The following MCUB variants were observed in gnomAD, a reference collection of about 807,000 sequenced individuals.
MCUB encodes calcium uniporter regulatory subunit MCUb, mitochondrial.
Under a neutral mutation model 41.4 loss-of-function variants are expected in MCUB, and 46 were observed. The ratio of observed to expected loss-of-function variants is 1.11; its 90% CI spans 0.88 to 1.42. The LOEUF (loss-of-function observed/expected upper bound fraction) is 1.42, where lower values mean the gene tolerates loss of function less well. Ranked by LOEUF, MCUB falls within the 40% of genes most tolerant of loss-of-function variation. The pLI, the probability that MCUB is intolerant of heterozygous loss-of-function variation, is 0.00. For missense variants in MCUB, 403 were observed against 404.9 expected, an observed-to-expected ratio of 1.00 and a Z score of 0.04; for synonymous variants, 148 against 148.2, an observed-to-expected ratio of 1.00 and a Z score of 0.01.
At chr4:109,578,077 C>T (rs1425727296) in intron 1 of MCUB, among the ~76,000 whole-genome samples, 1 of 152,102 alleles carries the variant, frequency 6.6e-6, no homozygotes, top group Non-Finnish European at 1.5e-5. Context: ...GAATATTGGG[C>T]AAGGAACTTC....
intron 1 of MCUB, among the ~76,000 whole-genome samples, chr4:109,613,472 G>T (rs1728062669): frequency 6.6e-6 from 1 of 152,190 alleles, no homozygotes; most frequent in Non-Finnish European, 1.5e-5. Context: ...TAGGGGAATG[G>T]GCTTTGGACT....
At chr4:109,656,382 T>C (rs1167392538) in intron 1 of MCUB, among the ~76,000 whole-genome samples, 1 of 30,120 alleles carries the variant, frequency 3.3e-5, no homozygotes, top group Non-Finnish European at 6.2e-5. Context: ...TTTTTTTTTT[T>C]TTTTTTTTTT....
intron 1 of MCUB, among the ~76,000 whole-genome samples, chr4:109,561,364 GTTC>G (rs1726630896): frequency 6.6e-6 from 1 of 152,182 alleles, no homozygotes; most frequent in Middle Eastern, 3.4e-3. Flanking sequence ...TGTTTATTTT[GTTC>G]TTTTTTTTCC....
At chr4:109,645,892 GT>G (rs969867200) in intron 1 of MCUB, among the ~76,000 whole-genome samples, 20 of 152,090 alleles carry the variant, frequency 1.3e-4, no homozygotes, top group Non-Finnish European at 2.5e-4. Context: ...ACAAACAGAT[GT>G]TTTCCCTTTA....
chr4:109,634,259 G>A (rs1728540212), intron 1 of MCUB, among the ~76,000 whole-genome samples: 1 of 151,962 alleles, frequency 6.6e-6, no homozygotes, highest in East Asian at 1.9e-4. Context: ...GAGGTGGGTG[G>A]ATCATCTGAG....
chr4:109,638,724 C>G (rs915213040), intron 1 of MCUB, among the ~76,000 whole-genome samples: 2 of 152,186 alleles, frequency 1.3e-5, no homozygotes, highest in African/African-American at 2.4e-5. Flanking sequence ...GAGTCAGTCC[C>G]TCCAAACTCT....
intron 1 of MCUB, among the ~76,000 whole-genome samples, chr4:109,584,610 A>G (rs1015778900): frequency 2.0e-5 from 3 of 152,134 alleles, no homozygotes; most frequent in African/African-American, 4.8e-5. Flanking sequence ...ATTTCCCTCC[A>G]CACATTGCTT....
chr4:109,615,206 G>A (rs1471751417), intron 1 of MCUB, among the ~76,000 whole-genome samples: 1 of 152,028 alleles, frequency 6.6e-6, no homozygotes, highest in East Asian at 1.9e-4. Context: ...GTACTCTGTG[G>A]AAAACAGAAT....
chr4:109,606,564 A>AT (rs1561225433), intron 1 of MCUB, among the ~76,000 whole-genome samples: 1 of 152,012 alleles, frequency 6.6e-6, no homozygotes, highest in Non-Finnish European at 1.5e-5. Flanking sequence ...GAGGCTTGCA[A>AT]ATACTATCTT....
chr4:109,606,754 T>G (rs967453291), intron 1 of MCUB, among the ~76,000 whole-genome samples: 10 of 152,328 alleles, frequency 6.6e-5, no homozygotes, highest in Middle Eastern at 3.4e-3. Context: ...TAGTTCTTTT[T>G]TGTGTGTGTG....
chr4:109,644,442 C>T lies in MCUB; in HGVS notation c.100-14569C>T, dbSNP rs1044715362. Among the ~76,000 whole-genome samples the T allele has an allele frequency of 2.6e-5, 4 of 152,274 alleles. No homozygotes were observed. In the South Asian group the frequency reaches 6.2e-4, roughly 24 times the overall value. ...ATTGCTAACATTTTCTAAACATTTA[C>T]CCACCTCATTAAAAACTTTGCATAA... is the stretch of plus-strand genomic sequence containing the variant. On this transcript the variant is annotated intron_variant, in intron 1 of 7. Transcript: ENST00000394650.
chr4:109,638,618 C>T (rs1277526914), intron 1 of MCUB, among the ~76,000 whole-genome samples: 2 of 152,134 alleles, frequency 1.3e-5, no homozygotes, highest in Non-Finnish European at 2.9e-5. Context: ...ATGAAGTTTG[C>T]TGCATCCACC....
At chr4:109,672,018 C>A (rs538102575) in intron 4 of MCUB, among the ~76,000 whole-genome samples, 3 of 152,040 alleles carry the variant, frequency 2.0e-5, no homozygotes, top group South Asian at 2.1e-4. Flanking sequence ...AAAACTGGAG[C>A]CCTGTTAATG....
chr4:109,664,648 C>T (rs1238932235), intron 4 of MCUB, among the ~76,000 whole-genome samples: 1 of 151,976 alleles, frequency 6.6e-6, no homozygotes, highest in East Asian at 1.9e-4. Context: ...CTGGTATCTT[C>T]ACTTTTACCT....
intron 1 of MCUB, among the ~76,000 whole-genome samples, chr4:109,607,692 A>C (rs1727910562): frequency 6.6e-6 from 1 of 152,104 alleles, no homozygotes. Flanking sequence ...TTCCTTCAGC[A>C]CTTTAAATAT....
At chr4:109,649,751 T>TTAAAATA (rs1728918165) in intron 1 of MCUB, among the ~76,000 whole-genome samples, 2 of 151,270 alleles carry the variant, frequency 1.3e-5, no homozygotes, top group Admixed American at 1.3e-4. Flanking sequence ...TATGATTTTT[T>TTAAAATA]AAAATAGAAA....
chr4:109,601,283 T>A (rs1727727417), intron 1 of MCUB, among the ~76,000 whole-genome samples: 1 of 152,160 alleles, frequency 6.6e-6, no homozygotes, highest in African/African-American at 2.4e-5. Flanking sequence ...TTATACTCTT[T>A]TAAATTATTA....
chr4:109,635,737 G>A (rs1728575695), intron 1 of MCUB, among the ~76,000 whole-genome samples: 1 of 151,736 alleles, frequency 6.6e-6, no homozygotes, highest in Non-Finnish European at 1.5e-5. Flanking sequence ...TAAATTCTCT[G>A]TTCCTTAAAA....
chr4:109,655,708 C>T (rs551397723), intron 1 of MCUB, among the ~76,000 whole-genome samples: 2 of 152,198 alleles, frequency 1.3e-5, no homozygotes, highest in African/African-American at 4.8e-5. Flanking sequence ...AATGATTCTA[C>T]GCAGAAATCT....
Sources: allele counts gnomAD v4.1 joint callset (sites outside exome capture counted in the v4.1 genomes callset), GRCh38; gene constraint gnomAD v4.1.1; transcripts MANE v1.5; gene names NCBI Gene and HGNC (gene_info 2026-07-23, HGNC 2026-07-21).